The following MCCC1 variants were observed in gnomAD, a reference collection of about 807,000 sequenced individuals.
MCCC1 encodes the protein methylcrotonyl-CoA carboxylase subunit 1, also known as methylcrotonoyl-CoA carboxylase subunit alpha, mitochondrial.
A neutral mutation model predicts 83.8 loss-of-function variants in MCCC1; 64 were observed. The ratio of observed to expected loss-of-function variants is 0.76; its 90% CI spans 0.62 to 0.94. The LOEUF (loss-of-function observed/expected upper bound fraction) is 0.94, where lower values mean the gene tolerates loss of function less well. MCCC1 is among the 40% of genes least tolerant of loss of function. The pLI, the probability that MCCC1 is intolerant of heterozygous loss-of-function variation, is 0.00. For missense variants in MCCC1, 807 were observed against 904.7 expected (o/e 0.89, Z 1.39); for synonymous variants, 322 against 315.4 (o/e 1.02, Z -0.22).
intron 10 of MCCC1, among the ~76,000 whole-genome samples, chr3:183,042,705 A>T (rs933420489): frequency 3.3e-5 from 5 of 152,252 alleles, no homozygotes; most frequent in African/African-American, 9.6e-5. Context: ...GGCTCTGCAG[A>T]CAGATTGCCT....
At chr3:183,100,964 G>A (rs1258433141), upstream of MCCC1, among the ~76,000 whole-genome samples, 1 of 152,248 alleles carries the variant, frequency 6.6e-6, no homozygotes, top group Non-Finnish European at 1.5e-5. Context: ...CCGGGTGGGC[G>A]TGGGCTTGGT....
At chr3:183,031,327 A>G (rs963092179) in intron 14 of MCCC1, among the ~76,000 whole-genome samples, 6 of 152,088 alleles carry the variant, frequency 3.9e-5, no homozygotes, top group Non-Finnish European at 2.9e-5. Context: ...AAACTCAATA[A>G]ATCTTAGCTA....
upstream of MCCC1, among the ~76,000 whole-genome samples, chr3:183,104,297 G>A (rs888432724): frequency 2.0e-5 from 3 of 152,136 alleles, no homozygotes; most frequent in Non-Finnish European, 4.4e-5. Context: ...CTGCCAGCAC[G>A]CTGTCACCTC....
intron 10 of MCCC1, among the ~76,000 whole-genome samples, chr3:183,042,377 A>G (rs891008541): frequency 4.6e-5 from 7 of 152,258 alleles, no homozygotes; most frequent in African/African-American, 1.7e-4. Flanking sequence ...TACCAATACA[A>G]CAAATCACTC....
chr3:183,079,899 A>G (rs1717360986), intron 4 of MCCC1, among the ~76,000 whole-genome samples: 2 of 152,340 alleles, frequency 1.3e-5, no homozygotes, highest in South Asian at 4.1e-4. Flanking sequence ...GGAAGCTGCC[A>G]AGGCTTGGGG....
chr3:183,025,232 G>A (rs1333271793), intron 15 of MCCC1, among the ~76,000 whole-genome samples: 1 of 152,212 alleles, frequency 6.6e-6, no homozygotes, highest in East Asian at 1.9e-4. Flanking sequence ...ATGGATGGTT[G>A]TGATGGTTAC....
chr3:183,075,897 T>C (rs1197330679), intron 4 of MCCC1, among the ~76,000 whole-genome samples: 1 of 152,176 alleles, frequency 6.6e-6, no homozygotes, highest in East Asian at 1.9e-4. Context: ...TTTAAGTTCC[T>C]TATAGATGCT....
chr3:183,069,204 G>C (rs1264026216), intron 7 of MCCC1, among the ~76,000 whole-genome samples: 1 of 152,126 alleles, frequency 6.6e-6, no homozygotes. Flanking sequence ...ATACTACCAG[G>C]TCTTTGATTC....
intron 7 of MCCC1, among the ~76,000 whole-genome samples, chr3:183,069,768 C>T (rs768421721): frequency 4.6e-5 from 7 of 152,056 alleles, no homozygotes; most frequent in Non-Finnish European, 7.4e-5. Context: ...TAAAATTTAA[C>T]AATTGTCATA....
At chr3:183,042,571 G>C (rs1714177798) in intron 10 of MCCC1, among the ~76,000 whole-genome samples, 1 of 152,158 alleles carries the variant, frequency 6.6e-6, no homozygotes, top group South Asian at 2.1e-4. Context: ...GTATAAAACA[G>C]AAGCAAAAGT....
intron 14 of MCCC1, among the ~76,000 whole-genome samples, chr3:183,027,407 G>T (rs758353769): frequency 1.3e-5 from 2 of 152,226 alleles, no homozygotes; most frequent in African/African-American, 2.4e-5. Context: ...GTCAAAAGCT[G>T]AGATAAGCCA....
In MCCC1 at chr3:183,064,734, C is replaced by G. The variant is rs1419758166; in HGVS notation, c.761+6265G>C. 6.6e-6 allele frequency among the ~76,000 whole-genome samples: 1 copy of G among 152,218 alleles called. No homozygotes were observed. Among genetic ancestry groups the G allele is most frequent in the Non-Finnish European group, 1.5e-5 (1 of 68,038 alleles). ...GCAGGCTGTTCGCGGGCAGCCGGCT[C>G]CGTGGACAGCAGGGCGAAGCGGGTA... On this transcript the variant is annotated intron_variant, in intron 7 of 18. Coordinates refer to ENST00000265594, the MANE Select transcript of MCCC1 (RefSeq NM_020166.5). This position sits in a 1 kb window ranked among gnomAD's most constrained non-coding sequence, Gnocchi z 4.5.
intron 7 of MCCC1, among the ~76,000 whole-genome samples, chr3:183,067,969 C>CT (rs1380061181): frequency 2.6e-5 from 4 of 152,146 alleles, no homozygotes; most frequent in Non-Finnish European, 5.9e-5. Context: ...CATACCGATG[C>CT]TTTCTAACTA....
chr3:183,077,704 CTA>C (rs1314135473), intron 4 of MCCC1, among the ~76,000 whole-genome samples: 1 of 152,020 alleles, frequency 6.6e-6, no homozygotes, highest in African/African-American at 2.4e-5. Context: ...AGATTTTCTC[CTA>C]TGTTTTCTTC....
At chr3:183,053,564 C>T (rs1269827862) in intron 8 of MCCC1, among the ~76,000 whole-genome samples, 1 of 151,518 alleles carries the variant, frequency 6.6e-6, no homozygotes, top group African/African-American at 2.4e-5. Context: ...CCCAGCAGTT[C>T]GGGAGGCCAA....
chr3:183,108,706 C>T (rs1394146313), intron 1 of MCCC1, among the ~76,000 whole-genome samples: 1 of 152,132 alleles, frequency 6.6e-6, no homozygotes, highest in African/African-American at 2.4e-5. Context: ...TCTATAACTC[C>T]ACCCACTGAT....
chr3:183,036,055 C>T (rs1031041102), intron 13 of MCCC1, among the ~76,000 whole-genome samples: 28 of 150,410 alleles, frequency 1.9e-4, no homozygotes, highest in Middle Eastern at 3.2e-3. Context: ...CAATTCCCAC[C>T]TATGAGTGAG....
At chr3:183,052,980 A>T (rs1234543712) in intron 8 of MCCC1, among the ~76,000 whole-genome samples, 2 of 152,106 alleles carry the variant, frequency 1.3e-5, no homozygotes, top group Non-Finnish European at 2.9e-5. Flanking sequence ...AAACAGCCTC[A>T]GACAGTTCCT....
intron 3 of MCCC1, chr3:183,091,087 T>G (rs1316084016): frequency 2.2e-6 from 1 of 455,754 alleles, no homozygotes; most frequent in Non-Finnish European, 4.4e-6. Context: ...GAAACAAGTT[T>G]GAAATACTCA....
Sources: gnomAD v4.1 joint callset for allele counts (sites outside exome capture counted in the v4.1 genomes callset) on GRCh38, gnomAD v4.1.1 for gene constraint, Gnocchi (gnomAD v3.1) non-coding constraint, MANE v1.5 for transcripts, NCBI Gene and HGNC (gene_info 2026-07-23, HGNC 2026-07-21) for gene names.